The following STAM variants were observed in gnomAD, a reference collection of about 807,000 sequenced individuals.
The protein encoded by STAM is signal transducing adapter molecule 1.
In STAM, 16 loss-of-function variants were observed where a neutral mutation model predicts 63.4. The ratio of observed to expected loss-of-function variants is 0.25; its 90% CI spans 0.17 to 0.38. The LOEUF is 0.38. STAM is among the 10% of genes least tolerant of loss of function. The pLI, the probability that STAM is intolerant of heterozygous loss-of-function variation, is 1.00. For synonymous variants in STAM, 238 were observed against 223.9 expected (o/e 1.06, Z -0.56); for missense variants, 636 against 657.1 (o/e 0.97, Z 0.35).
At chr10:17,677,358 A>G (rs1249394604) in intron 2 of STAM, among the ~76,000 whole-genome samples, 2 of 152,226 alleles carry the variant, frequency 1.3e-5, no homozygotes, top group Non-Finnish European at 1.5e-5. Context: ...TGGTAAAGAA[A>G]GTATACAGGA....
chr10:17,706,448 A>G (rs918529467), intron 12 of STAM, among the ~76,000 whole-genome samples: 1 of 130,232 alleles, frequency 7.7e-6, no homozygotes, highest in Admixed American at 1.0e-4. Flanking sequence ...CTGCAATCTC[A>G]GCTCACTGCA....
At chr10:17,691,756 A>G (rs973029438) in intron 5 of STAM, among the ~76,000 whole-genome samples, 7 of 152,230 alleles carry the variant, frequency 4.6e-5, no homozygotes, top group East Asian at 1.9e-4. Context: ...GCCTGTTACA[A>G]TGTTCCAGTC....
chr10:17,645,016 A>G (rs1054841910), intron 1 of STAM, among the ~76,000 whole-genome samples: 7 of 152,234 alleles, frequency 4.6e-5, no homozygotes, highest in Non-Finnish European at 7.3e-5. Flanking sequence ...GTGTGGAAGA[A>G]GTTGTTGAAT....
At position 17,652,996 on chromosome 10, in the gene STAM, A is replaced by T. The variant is rs77300815; in HGVS notation, c.41-7468A>T. Among the ~76,000 whole-genome samples the T allele has an allele frequency of 4.4e-3, 674 of 152,318 alleles. 4 individuals carry two copies. The highest frequency in any genetic ancestry group is 0.015 in the African/African-American group (626 of 41,576). Reference sequence around the variant, plus strand: ...CTAAATCCTTGGAATTTTCTGAGTGATAAGAGCATCTTTGTTATTTTTGGT... The same window carrying T: ...CTAAATCCTTGGAATTTTCTGAGTGTTAAGAGCATCTTTGTTATTTTTGGT... On this transcript the variant is annotated intron_variant, in intron 1 of 13. Coordinates refer to ENST00000377524, the MANE Select transcript of STAM (RefSeq NM_003473.4).
At position 17,707,488 on chromosome 10, in the gene STAM, G is replaced by A. The variant is rs530798613; in HGVS notation, c.1210-1288G>A. Reference sequence around the variant, plus strand: ...CATTTTTTCCATGTAAAGTGGGCACGGACTGTGTTCAGATTAACGTTTAGC... The same window carrying A: ...CATTTTTTCCATGTAAAGTGGGCACAGACTGTGTTCAGATTAACGTTTAGC... On this transcript the variant is annotated intron_variant, in intron 12 of 13. Coordinates refer to ENST00000377524, the MANE Select transcript of STAM (RefSeq NM_003473.4). 2.0e-3 allele frequency among the ~76,000 whole-genome samples: 305 copies of A among 152,038 alleles called. 1 individual carries two copies. Among genetic ancestry groups the A allele is most frequent in the African/African-American group, 7.1e-3 (293 of 41,472 alleles).
At chr10:17,665,118 AT>A (rs1264533903) in intron 2 of STAM, among the ~76,000 whole-genome samples, 11 of 151,892 alleles carry the variant, frequency 7.2e-5, no homozygotes, top group African/African-American at 2.7e-4. Context: ...GTGAAGTTTC[AT>A]TTAGTCAGAA....
intron 4 of STAM, 143 bp from the exon 5 acceptor site, chr10:17,687,884 C>A: frequency 1.8e-6 from 1 of 568,218 alleles, no homozygotes; most frequent in Middle Eastern, 5.3e-4. Flanking sequence ...AGTTTTATTT[C>A]GAATAACTAT....
At chr10:17,678,219 A>C (rs79888402) in intron 2 of STAM, among the ~76,000 whole-genome samples, 4 of 151,936 alleles carry the variant, frequency 2.6e-5, no homozygotes, top group Non-Finnish European at 5.9e-5. Context: ...GGAGCTCTGC[A>C]ATACATGTTC....
intron 1 of STAM, among the ~76,000 whole-genome samples, chr10:17,649,279 T>C (rs1833643892): frequency 6.6e-6 from 1 of 151,902 alleles, no homozygotes; most frequent in African/African-American, 2.4e-5. Context: ...GGTATGCCTG[T>C]AGTCCCATTT....
At chr10:17,659,637 T>A (rs923072597) in intron 1 of STAM, among the ~76,000 whole-genome samples, 13 of 151,938 alleles carry the variant, frequency 8.6e-5, no homozygotes, top group African/African-American at 3.1e-4. Context: ...CCCAGCTAAT[T>A]ATTTTTTTAA....
At chr10:17,648,023 TG>T (rs1470298052) in intron 1 of STAM, among the ~76,000 whole-genome samples, 2 of 152,218 alleles carry the variant, frequency 1.3e-5, no homozygotes, top group African/African-American at 4.8e-5. Flanking sequence ...GACGACAACA[TG>T]ATTACTGTTT....
In STAM at chr10:17,705,792, G is replaced by GT. The variant is rs781950104; in HGVS notation, c.1209+52dup. ...TTTAAATTCTCAAATGCACAGTGAG[G>GT]TGTGGTAGCTCATGCCTGTAATCTC... is the stretch of plus-strand genomic sequence containing the variant. On this transcript the variant is annotated intron_variant, in intron 12 of 13. Transcript: ENST00000377524. 6.4e-6 allele frequency: 10 copies of GT among 1,563,666 alleles called. 1 individual carries two copies. In the East Asian group the frequency reaches 2.3e-4, roughly 35 times the overall value.
At chr10:17,654,599 T>C (rs1203752175) in intron 1 of STAM, among the ~76,000 whole-genome samples, 2 of 152,222 alleles carry the variant, frequency 1.3e-5, no homozygotes, top group Non-Finnish European at 2.9e-5. Flanking sequence ...AGTAGTCTTA[T>C]CATTTTTTTG....
At position 17,660,480 on chromosome 10, in the gene STAM, G is replaced by A. The variant is rs782105062; in HGVS notation, c.57G>A (p.Glu19=). ...AATCTACAGAGAAAGCAACCAGCGA[G>A]ATGAATACTGCTGAGGACTGGGGCC... ...FDQDVEKATS[E]MNTAEDWGLI... is the part of the protein sequence containing the mutation. The change falls in exon 2 of 14, where the codon GAG becomes GAA. Residue 19 remains glutamate, a synonymous_variant. Transcript: ENST00000377524. 1 of 1,600,200 alleles carries A rather than the reference G, an allele frequency of 6.2e-7. No homozygotes were observed. Among genetic ancestry groups the A allele is most frequent in the Non-Finnish European group, 8.5e-7 (1 of 1,173,516 alleles).
chr10:17,668,728 C>T (rs1554823715), intron 2 of STAM, among the ~76,000 whole-genome samples: 1 of 152,194 alleles, frequency 6.6e-6, no homozygotes, highest in Non-Finnish European at 1.5e-5. Flanking sequence ...ATAGCCTTTT[C>T]AGACTGGCAT....
rs1240939163 is a variant in STAM at position 17,661,896 on chromosome 10, T to G, written c.125+1348T>G. 2.4e-4 allele frequency among the ~76,000 whole-genome samples: 26 copies of G among 106,842 alleles called. No homozygotes were observed. In the Admixed American group the frequency reaches 2.6e-3, roughly 11 times the overall value. 70.1% of individuals were successfully genotyped at this position (106,842 alleles called of 152,430 possible). On this transcript the variant is annotated intron_variant, in intron 2 of 13. Coordinates refer to ENST00000377524, the MANE Select transcript of STAM (RefSeq NM_003473.4). Reference sequence around the variant, plus strand: ...ACGTTCCCAAAGAATCTCCCAAATGTGGTCCCATCCATCCCTTTGTTGTAT... The same window carrying G: ...ACGTTCCCAAAGAATCTCCCAAATGGGGTCCCATCCATCCCTTTGTTGTAT...
chr10:17,700,334 T>A (rs1835937380), intron 9 of STAM, 55 bp downstream of exon 9: 1 of 1,376,932 alleles, frequency 7.3e-7, no homozygotes, highest in Non-Finnish European at 9.9e-7. Context: ...ATTTAAATGG[T>A]TTTGCTTTAA....
chr10:17,703,671 A>T (rs1386369327), intron 9 of STAM, among the ~76,000 whole-genome samples: 2 of 152,236 alleles, frequency 1.3e-5, no homozygotes, highest in Non-Finnish European at 2.9e-5. Context: ...ACAACAAAAG[A>T]TTCTGAAATA....
Position 17,715,390 on chromosome 10 carries a change from T to G in STAM, c.*610T>G, listed in dbSNP as rs72782577. ...TTTTACTAATTGTGAGCTAAAGAGA[T>G]ATATATATATATGTGTGTGTATATA... On this transcript the variant is annotated 3_prime_UTR_variant, in exon 14 of 14. Coordinates refer to ENST00000377524, the MANE Select transcript of STAM (RefSeq NM_003473.4). 58 of 117,048 alleles carry G rather than the reference T, an allele frequency of 5.0e-4. No individual in the cohort carries two copies. Among genetic ancestry groups the G allele is most frequent in the Admixed American group, 9.0e-4 (12 of 13,294 alleles). 7.3% of individuals were successfully genotyped at this position (117,048 alleles called of 1,614,324 possible).
Sources: allele counts gnomAD v4.1 joint callset (sites outside exome capture counted in the v4.1 genomes callset), GRCh38; gene constraint gnomAD v4.1.1; transcripts MANE v1.5; gene names NCBI Gene and HGNC (gene_info 2026-07-23, HGNC 2026-07-21).